Variants in LDLRAD4 observed in about 807,000 individuals in gnomAD.
LDLRAD4 encodes low-density lipoprotein receptor class A domain-containing protein 4.
In LDLRAD4, 5 loss-of-function variants were observed where a neutral mutation model predicts 17.0. The observed-to-expected ratio is 0.29, with a 90% CI of 0.15 to 0.62. LDLRAD4 has a LOEUF of 0.62. LDLRAD4 is among the 20% of genes least tolerant of loss of function. The pLI is 0.84. For missense variants in LDLRAD4, 340 were observed against 424.7 expected (o/e 0.80, Z 1.75); for synonymous variants, 168 against 171.8 (o/e 0.98, Z 0.17).
intron 5 of LDLRAD4, 41 bp downstream of exon 6, chr18:13,643,453 G>GT: frequency 2.3e-6 from 1 of 433,310 alleles, no homozygotes; most frequent in East Asian, 4.0e-5. Context: ...GGGGCGGGGG[G>GT]GGTGGGTGGG....
Position 13,642,477 on chromosome 18 carries a change from G to A in LDLRAD4, c.337-882G>A, listed in dbSNP as rs2042661392. ...GCTGGCCTGTCACCTTGTCAATCTG[G>A]CCAAACGTTTTTGAAAAAGGATGCT... On this transcript the variant is annotated intron_variant, in intron 4 of 5. Coordinates refer to ENST00000359446, the Ensembl canonical transcript of LDLRAD4. 3 of 1,209,200 alleles carry A rather than the reference G, an allele frequency of 2.5e-6. No homozygotes were observed. In the African/African-American group the frequency reaches 4.7e-5, roughly 19 times the overall value. The allele number at this position is 1,209,200 out of a possible 1,614,324, so 74.9% of individuals were successfully genotyped here.
chr18:13,425,599 T>G (rs762806504), intron 2 of LDLRAD4, among the ~76,000 whole-genome samples: 6 of 152,134 alleles, frequency 3.9e-5, no homozygotes, highest in Non-Finnish European at 8.8e-5. Flanking sequence ...TTTTTCCAGG[T>G]AGATGTGGCC....
At chr18:13,448,403 T>C (rs573382709) in intron 3 of LDLRAD4, among the ~76,000 whole-genome samples, 2 of 152,198 alleles carry the variant, frequency 1.3e-5, no homozygotes, top group African/African-American at 2.4e-5. Context: ...TTCTTCATGC[T>C]GGGTCTCTTC....
intron 3 of LDLRAD4, among the ~76,000 whole-genome samples, chr18:13,455,230 C>T (rs1226353254): frequency 7.0e-6 from 1 of 142,092 alleles, no homozygotes; most frequent in Admixed American, 7.1e-5. Context: ...CCTGGGGTTT[C>T]CAGGCTTTTT....
chr18:13,639,876 G>C (rs1264333109), intron 4 of LDLRAD4, among the ~76,000 whole-genome samples: 1 of 152,192 alleles, frequency 6.6e-6, no homozygotes, highest in Non-Finnish European at 1.5e-5. Context: ...GGTGGTGATA[G>C]AGGAAAGTGC....
chr18:13,497,492 TGTA>T lies in LDLRAD4; in HGVS notation c.181+59111_181+59113del, dbSNP rs1225488125. On this transcript the variant is annotated intron_variant, in intron 3 of 5. Coordinates refer to ENST00000359446, the Ensembl canonical transcript of LDLRAD4. ...CTGGGCCTGGCAAAAGGGTGGCTCT[TGTA>T]GTGTTTTTTTTTTTTCCTTCTTTTT... Among the ~76,000 whole-genome samples the T allele has an allele frequency of 4.6e-5, 7 of 152,024 alleles. 1 individual carries two copies. Among genetic ancestry groups the T allele is most frequent in the Admixed American group, 4.6e-4 (7 of 15,272 alleles).
intron 3 of LDLRAD4, among the ~76,000 whole-genome samples, chr18:13,508,178 A>G (rs909738904): frequency 3.3e-5 from 5 of 152,210 alleles, no homozygotes; most frequent in East Asian, 1.9e-4. Flanking sequence ...CTTCAATTCT[A>G]TGAAGGCTGA....
chr18:13,382,229 C>T (rs965202964), intron 1 of LDLRAD4, among the ~76,000 whole-genome samples: 1 of 152,222 alleles, frequency 6.6e-6, no homozygotes, highest in Non-Finnish European at 1.5e-5. Flanking sequence ...TTTTGGCCTC[C>T]GTGCCCCTGT....
chr18:13,612,544 C>T, intron 3 of LDLRAD4: 1 of 1,376,770 alleles, frequency 7.3e-7, no homozygotes, highest in Non-Finnish European at 9.4e-7. Flanking sequence ...GACAGAAACA[C>T]ACCCCCCCCC....
At chr18:13,423,373 A>C (rs569619753) in intron 2 of LDLRAD4, among the ~76,000 whole-genome samples, 1 of 152,048 alleles carries the variant, frequency 6.6e-6, no homozygotes, top group African/African-American at 2.4e-5. Context: ...GGCTCCTGTA[A>C]TCCTAGCTAC....
At chr18:13,363,488 T>C (rs1428487224) in intron 1 of LDLRAD4, among the ~76,000 whole-genome samples, 3 of 152,212 alleles carry the variant, frequency 2.0e-5, no homozygotes, top group Non-Finnish European at 1.5e-5. Flanking sequence ...GTGTTTTAAT[T>C]ATTCCAGTGC....
intron 4 of LDLRAD4, among the ~76,000 whole-genome samples, chr18:13,637,716 A>G (rs1196053845): frequency 6.6e-6 from 1 of 151,986 alleles, no homozygotes; most frequent in Non-Finnish European, 1.5e-5. Flanking sequence ...AAATACAAAA[A>G]TTAGCCAGGC....
At chr18:13,420,788 G>T (rs1356774704) in intron 2 of LDLRAD4, 1 of 152,234 alleles carries the variant, frequency 6.6e-6, no homozygotes, top group African/African-American at 2.4e-5. Context: ...TTCACAGAGG[G>T]TAACAAATGA....
intron 3 of LDLRAD4, chr18:13,487,483 ATCGGCG>A (rs2093256026): frequency 6.6e-6 from 1 of 152,264 alleles, no homozygotes; most frequent in Non-Finnish European, 1.5e-5. Context: ...TGTTTGTGGC[ATCGGCG>A]TCATTTCTTT....
intron 1 of LDLRAD4, among the ~76,000 whole-genome samples, chr18:13,381,076 G>T (rs368198517): frequency 1.6e-4 from 20 of 128,442 alleles, no homozygotes; most frequent in South Asian, 2.5e-4. Context: ...TTTCTCTTTA[G>T]TTTTTTTTTT....
chr18:13,535,632 T>G (rs1301810178), intron 3 of LDLRAD4, among the ~76,000 whole-genome samples: 2 of 152,234 alleles, frequency 1.3e-5, no homozygotes. Context: ...TCTTAGCTGT[T>G]TTCAAAGATG....
At chr18:13,599,190 C>G (rs2095130681) in intron 3 of LDLRAD4, among the ~76,000 whole-genome samples, 2 of 152,088 alleles carry the variant, frequency 1.3e-5, no homozygotes, top group South Asian at 4.2e-4. Context: ...AGAGGAAACT[C>G]TTGTTTTTTT....
intron 1 of LDLRAD4, among the ~76,000 whole-genome samples, chr18:13,254,183 G>C (rs999283251): frequency 1.3e-5 from 2 of 152,232 alleles, no homozygotes; most frequent in African/African-American, 4.8e-5. Flanking sequence ...GTCGCGCCGT[G>C]AAGGCAGAAG....
intron 2 of LDLRAD4, among the ~76,000 whole-genome samples, chr18:13,393,116 C>T (rs545856285): frequency 4.0e-4 from 61 of 152,176 alleles, no homozygotes; most frequent in Non-Finnish European, 6.3e-4. Flanking sequence ...AGACCTTCCG[C>T]GCATTCCTCA....
Sources: gnomAD v4.1 joint callset for allele counts (sites outside exome capture counted in the v4.1 genomes callset) on GRCh38, gnomAD v4.1.1 for gene constraint, MANE v1.5 for transcripts, NCBI Gene and HGNC (gene_info 2026-07-23, HGNC 2026-07-21) for gene names.